Variants in CADPS observed in about 807,000 individuals in gnomAD.
CADPS encodes the protein calcium dependent secretion activator, also known as calcium-dependent secretion activator 1.
A neutral mutation model predicts 167.3 loss-of-function variants in CADPS; 57 were observed. The ratio of observed to expected loss-of-function variants is 0.34; its 90% CI spans 0.28 to 0.42. The LOEUF (loss-of-function observed/expected upper bound fraction) is 0.42, where lower values mean the gene tolerates loss of function less well. Ranked by LOEUF, CADPS falls within the 20% of genes least tolerant of loss-of-function variation. The pLI, the probability that CADPS is intolerant of heterozygous loss-of-function variation, is 1.00. For synonymous variants in CADPS, 676 were observed against 635.3 expected, an observed-to-expected ratio of 1.06 and a Z score of -0.96; for missense variants, 1,414 against 1,738.1, an observed-to-expected ratio of 0.81 and a Z score of 3.32.
At chr3:62,720,582 T>TC (rs1046012530) in intron 3 of CADPS, among the ~76,000 whole-genome samples, 6 of 152,064 alleles carry the variant, frequency 3.9e-5, no homozygotes, top group African/African-American at 7.2e-5. Context: ...CAAGTGACCC[T>TC]CCTGCCTCAG....
intron 29 of CADPS, among the ~76,000 whole-genome samples, chr3:62,401,659 C>A (rs763031917): frequency 1.3e-5 from 2 of 151,862 alleles, no homozygotes; most frequent in Non-Finnish European, 2.9e-5. Flanking sequence ...TAAGCTGAAC[C>A]CACTTTTTGC....
chr3:62,707,918 CTGTTTT>C (rs55659559), intron 3 of CADPS, among the ~76,000 whole-genome samples: 93,162 of 150,994 alleles, frequency 0.62, 29,099 homozygotes, highest in East Asian at 0.83. Flanking sequence ...AGACACAGTA[CTGTTTT>C]TGTTTTTGTT....
intron 3 of CADPS, among the ~76,000 whole-genome samples, chr3:62,694,172 C>G (rs551119015): frequency 2.6e-5 from 4 of 152,194 alleles, no homozygotes; most frequent in Middle Eastern, 3.4e-3. Context: ...TAGTGACACT[C>G]TTAGAAAATC....
chr3:62,865,407 A>G (rs2081504938), intron 1 of CADPS, among the ~76,000 whole-genome samples: 1 of 151,712 alleles, frequency 6.6e-6, no homozygotes. Context: ...AAAAAAAAAA[A>G]AAGTTAACTT....
intron 6 of CADPS, among the ~76,000 whole-genome samples, chr3:62,632,123 A>T (rs1450933365): frequency 6.6e-6 from 1 of 152,208 alleles, no homozygotes; most frequent in Non-Finnish European, 1.5e-5. Flanking sequence ...AGGAACAATC[A>T]TATATGAGTA....
chr3:62,415,360 A>G (rs1393483101), intron 28 of CADPS, among the ~76,000 whole-genome samples: 2 of 152,110 alleles, frequency 1.3e-5, no homozygotes. Context: ...GAATGGAGGC[A>G]TGACCTCCTG....
In CADPS at chr3:62,825,774, G is replaced by A. The variant is rs971010930; in HGVS notation, c.441+48815C>T. Among the ~76,000 whole-genome samples, 19 of 152,190 alleles carry A rather than the reference G, an allele frequency of 1.2e-4. 2 individuals are homozygous for A. The highest frequency in any genetic ancestry group is 4.6e-4 in the Admixed American group (7 of 15,270). Reference sequence around the variant, plus strand: ...AAAACAGCTCTTCATAGCCTTGTCCGAAAGCAAAGCAGCTTCCTATGCATG... The same window carrying A: ...AAAACAGCTCTTCATAGCCTTGTCCAAAAGCAAAGCAGCTTCCTATGCATG... On this transcript the variant is annotated intron_variant, in intron 1 of 29. Coordinates refer to ENST00000383710, the MANE Select transcript of CADPS (RefSeq NM_003716.4).
chr3:62,606,227 TC>T (rs1321138818), intron 6 of CADPS, among the ~76,000 whole-genome samples: 1 of 152,198 alleles, frequency 6.6e-6, no homozygotes, highest in African/African-American at 2.4e-5. Flanking sequence ...TTGAATATTG[TC>T]CCTTCAAAAA....
intron 2 of CADPS, among the ~76,000 whole-genome samples, chr3:62,761,623 A>G (rs1446044964): frequency 6.6e-6 from 1 of 151,934 alleles, no homozygotes; most frequent in East Asian, 1.9e-4. Flanking sequence ...TGATGCCAGG[A>G]CCAGCATGTG....
intron 1 of CADPS, among the ~76,000 whole-genome samples, chr3:62,838,024 A>T (rs971953312): frequency 6.6e-6 from 1 of 152,206 alleles, no homozygotes; most frequent in Non-Finnish European, 1.5e-5. Flanking sequence ...GCTTTTAGGA[A>T]AACAAATGTC....
chr3:62,793,966 A>G (rs2093175300), intron 1 of CADPS, among the ~76,000 whole-genome samples: 2 of 152,336 alleles, frequency 1.3e-5, no homozygotes, highest in South Asian at 4.1e-4. Context: ...AGGCAAAACT[A>G]AAGATCCTTG....
chr3:62,585,318 G>T lies in CADPS; in HGVS notation c.1444C>A (p.Leu482Ile), dbSNP rs370794609. 4.8e-5 allele frequency: 77 copies of T among 1,606,264 alleles called. No homozygotes were observed. Among genetic ancestry groups the T allele is most frequent in the Non-Finnish European group, 6.4e-5 (75 of 1,176,830 alleles). Reference protein sequence around the residue: ...LEDKELGRVILHPTPNSPKQS... With the variant: ...LEDKELGRVIIHPTPNSPKQS... ...TTGGGGCTGTTCGGGGTGGGATGGA[G>T]AATAACCTGTAGGGGAAAAAGGACA... Residue 482 changes from leucine to isoleucine, a missense_variant, in exon 8 of 30, where the codon CTC becomes ATC. This residue lies in a region of CADPS where 157 missense variants were observed against 229.4 expected (regional missense o/e 0.68). Transcript: ENST00000383710.
intron 2 of CADPS, among the ~76,000 whole-genome samples, chr3:62,758,853 T>C (rs1017757606): frequency 6.6e-6 from 1 of 152,158 alleles, no homozygotes; most frequent in South Asian, 2.1e-4. Flanking sequence ...TCAAGGTCAT[T>C]TTAGAAACAT....
At chr3:62,790,141 T>G (rs557224085) in intron 1 of CADPS, among the ~76,000 whole-genome samples, 2 of 152,182 alleles carry the variant, frequency 1.3e-5, no homozygotes, top group African/African-American at 2.4e-5. Flanking sequence ...TAGAAATGAT[T>G]TAGAATTTTA....
At chr3:62,604,729 C>G (rs188980542) in intron 6 of CADPS, among the ~76,000 whole-genome samples, 1 of 152,188 alleles carries the variant, frequency 6.6e-6, no homozygotes, top group African/African-American at 2.4e-5. Context: ...TTTTGTCCTT[C>G]GAAATGTTGG....
intron 18 of CADPS, among the ~76,000 whole-genome samples, chr3:62,494,208 G>A (rs114284337): frequency 0.017 from 2,579 of 152,242 alleles, 30 homozygotes; most frequent in African/African-American, 0.024. Context: ...TTTTATTGTA[G>A]TTTCACCACC....
Position 62,601,291 on chromosome 3 carries a change from T to C in CADPS, c.1326-8543A>G, listed in dbSNP as rs370149365. 8.0e-4 allele frequency among the ~76,000 whole-genome samples: 122 copies of C among 152,322 alleles called. 1 individual carries two copies. The highest frequency in any genetic ancestry group is 2.8e-3 in the African/African-American group (118 of 41,580). On this transcript the variant is annotated intron_variant, in intron 6 of 29. Transcript: ENST00000383710. The surrounding 1 kb of genome is among the most constrained non-coding windows in gnomAD (Gnocchi z 4.3). The stretch of plus-strand genomic sequence containing the variant: ...AACATAGTTAGCTTACTCATTTTTG[T>C]TTTGTCTATGGCTTCTTTTGTGCAG...
intron 8 of CADPS, among the ~76,000 whole-genome samples, chr3:62,577,017 T>C (rs1039385612): frequency 6.6e-6 from 1 of 151,932 alleles, no homozygotes; most frequent in Non-Finnish European, 1.5e-5. Flanking sequence ...TTTAGTTATA[T>C]GAGAGACCAG....
At chr3:62,604,005 T>TA (rs2060341927) in intron 6 of CADPS, among the ~76,000 whole-genome samples, 1 of 150,698 alleles carries the variant, frequency 6.6e-6, no homozygotes, top group Admixed American at 6.6e-5. Flanking sequence ...TTTTTTTTTT[T>TA]ATTTTTAGTG....
Sources: gnomAD v4.1 joint callset for allele counts (sites outside exome capture counted in the v4.1 genomes callset) on GRCh38, gnomAD v4.1.1 for gene constraint, gnomAD v4.1.1 regional missense constraint, Gnocchi (gnomAD v3.1) non-coding constraint, MANE v1.5 for transcripts, NCBI Gene and HGNC (gene_info 2026-07-23, HGNC 2026-07-21) for gene names.